The following ZNF316 variants were observed in gnomAD, a reference collection of about 807,000 sequenced individuals.
ZNF316 encodes the protein zinc finger protein 316.
A neutral mutation model predicts 75.6 loss-of-function variants in ZNF316; 23 were observed. The ratio of observed to expected loss-of-function variants is 0.30; its 90% CI spans 0.22 to 0.43. The LOEUF is 0.43. Ranked by LOEUF, ZNF316 falls within the 20% of genes least tolerant of loss-of-function variation. The pLI is 1.00. For synonymous variants in ZNF316, 827 were observed against 666.2 expected, an observed-to-expected ratio of 1.24 and a Z score of -3.72; for missense variants, 1,266 against 1,409.4, an observed-to-expected ratio of 0.90 and a Z score of 1.63.
At position 6,656,368 on chromosome 7, in the gene ZNF316, CCCAGCAGCTGT is replaced by C; in HGVS notation, c.*1760_*1770del. The C allele has an allele frequency of 6.6e-6, 1 of 152,164 alleles. No homozygotes were observed. The highest frequency in any genetic ancestry group is 1.5e-5 in the Non-Finnish European group (1 of 68,040). The allele number at this position is 152,164 out of a possible 1,614,324, so 9.4% of individuals were successfully genotyped here. ...TCTGCTGTCTCCGTCCCTCCTGGGC[CCCAGCAGCTGT>C]CCTGCAGCTGTCAGCAGGAGGGCCT... On this transcript the variant is annotated 3_prime_UTR_variant, in exon 9 of 9. Transcript: ENST00000382252.
rs540412040 is a variant in ZNF316, at chr7:6,642,946, A to C, written c.356-18A>C. On this transcript the variant is annotated intron_variant, in intron 5 of 8. Coordinates refer to ENST00000382252, the MANE Select transcript of ZNF316 (RefSeq NM_001278559.2). The surrounding 1 kb of genome is among the most constrained non-coding windows in gnomAD (Gnocchi z 8.1). ...TGGGGGCTCAGGGCAGCTGGCCCTA[A>C]GAGATCTCTCCCCACAGGCCTGCAG... 4 of 1,232,412 alleles carry C rather than the reference A, an allele frequency of 3.2e-6. No individual in the cohort carries two copies. In the Admixed American group the frequency reaches 1.7e-4, roughly 52 times the overall value. 76.3% of individuals were successfully genotyped at this position (1,232,412 alleles called of 1,614,324 possible). A position where few individuals can be genotyped will look rare whatever the true frequency, so the allele number is the denominator to read the frequency against.
rs1394929232 is a variant in ZNF316, at chr7:6,655,384, C to G, written c.*773C>G. Reference sequence around the variant, plus strand: ...TCTACCCACACTTGCACCGAGGTCACCCCGGCACCCTCCGCACCGGTTCGG... The same window carrying G: ...TCTACCCACACTTGCACCGAGGTCAGCCCGGCACCCTCCGCACCGGTTCGG... On this transcript the variant is annotated 3_prime_UTR_variant, in exon 9 of 9. Coordinates refer to ENST00000382252, the MANE Select transcript of ZNF316 (RefSeq NM_001278559.2). The G allele has an allele frequency of 6.6e-6, 1 of 152,214 alleles. No homozygotes were observed. Among genetic ancestry groups the G allele is most frequent in the Non-Finnish European group, 1.5e-5 (1 of 68,170 alleles). 9.4% of individuals were successfully genotyped at this position (152,214 alleles called of 1,614,324 possible).
chr7:6,653,232 G>T lies in ZNF316; in HGVS notation c.1636G>T (p.Asp546Tyr). 8.2e-7 allele frequency: 1 copy of T among 1,225,522 alleles called. No homozygotes were observed. Among genetic ancestry groups the T allele is most frequent in the Non-Finnish European group, 1.0e-6 (1 of 984,304 alleles). 75.9% of individuals were successfully genotyped at this position (1,225,522 alleles called of 1,614,324 possible). The change falls in exon 9 of 9, where the codon GAC (aspartate) becomes TAC (tyrosine). Residue 546 changes from aspartate (D) to tyrosine (Y), a missense_variant. Transcript: ENST00000382252. ...GPEGSEVGEA[D>Y]GEAEAAAEER... ...AGAGGGATCTGAAGTTGGCGAGGCGGACGGAGAGGCGGAGGCCGCGGCCGA... is the reference window on the plus strand; with the variant it reads ...AGAGGGATCTGAAGTTGGCGAGGCGTACGGAGAGGCGGAGGCCGCGGCCGA...
In ZNF316 at chr7:6,639,507, A is replaced by G. The variant is rs1186748107; in HGVS notation, c.-167+366A>G. On this transcript the variant is annotated intron_variant, in intron 3 of 8. Coordinates refer to ENST00000382252, the MANE Select transcript of ZNF316 (RefSeq NM_001278559.2). The surrounding 1 kb of genome is among the most constrained non-coding windows in gnomAD (Gnocchi z 4.2). ...GCTGCCTCAGAAGACCACCCAGGAA[A>G]AGGGGAAGAGAGTTCTGGGGATGGG... Among the ~76,000 whole-genome samples, 1 of 152,212 alleles carries G rather than the reference A, an allele frequency of 6.6e-6. No individual in the cohort carries two copies. The highest frequency in any genetic ancestry group is 6.5e-5 in the Admixed American group (1 of 15,288).
In ZNF316 at chr7:6,642,142, G is replaced by A; in HGVS notation, c.-29+180G>A. 1 of 356,534 alleles carries A rather than the reference G, an allele frequency of 2.8e-6. No individual in the cohort carries two copies. The highest frequency in any genetic ancestry group is 5.0e-6 in the Non-Finnish European group (1 of 198,864). 22.1% of individuals were successfully genotyped at this position (356,534 alleles called of 1,614,324 possible). On this transcript the variant is annotated intron_variant, in intron 4 of 8. Transcript: ENST00000382252. This position sits in a 1 kb window ranked among gnomAD's most constrained non-coding sequence, Gnocchi z 8.1. Reference sequence around the variant, plus strand: ...TTCTTGGTGAAAAGGAGCTGAGACTGGCATCCCAGGGGTCACGCGGAGGGG... The same window carrying A: ...TTCTTGGTGAAAAGGAGCTGAGACTAGCATCCCAGGGGTCACGCGGAGGGG...
chr7:6,643,026 G>C lies in ZNF316; in HGVS notation c.418G>C (p.Glu140Gln). ...RDEDLEEEEE[E>Q]EEDEDEDDLL... is the part of the protein sequence containing the mutation. ...TGAGGACCTGGAGGAGGAGGAAGAG[G>C]AGGAGGAGGATGAGGACGAGGATGA... Residue 140 changes from glutamate to glutamine, a missense_variant, in exon 6 of 9, where the codon GAG becomes CAG. Glu to Gln is a conservative substitution (Grantham distance 29, BLOSUM62 2). Coordinates refer to ENST00000382252, the MANE Select transcript of ZNF316 (RefSeq NM_001278559.2). The C allele has an allele frequency of 8.1e-7, 1 of 1,240,734 alleles. No homozygotes were observed. The allele number at this position is 1,240,734 out of a possible 1,614,324, so 76.9% of individuals were successfully genotyped here.
intron 8 of ZNF316, among the ~76,000 whole-genome samples, chr7:6,651,190 AATC>A (rs556164753): frequency 2.7e-5 from 4 of 150,462 alleles, no homozygotes; most frequent in East Asian, 2.0e-4. Flanking sequence ...TCTCTACTAA[AATC>A]ATCATCATCA....
chr7:6,638,809 C>T (rs1215697415), intron 2 of ZNF316, among the ~76,000 whole-genome samples: 2 of 152,182 alleles, frequency 1.3e-5, no homozygotes, highest in Admixed American at 1.3e-4. Flanking sequence ...ATGAGACCCC[C>T]TGTGGCCTCT....
rs1359688641 is a variant in ZNF316 at position 6,642,728 on chromosome 7, G to C, written c.319G>C (p.Gly107Arg). 3 of 1,233,730 alleles carry C rather than the reference G, an allele frequency of 2.4e-6. No homozygotes were observed. Among genetic ancestry groups the C allele is most frequent in the Non-Finnish European group, 3.0e-6 (3 of 989,142 alleles). The allele number at this position is 1,233,730 out of a possible 1,614,324, so 76.4% of individuals were successfully genotyped here. A position where few individuals can be genotyped will look rare whatever the true frequency, so the allele number is the denominator to read the frequency against. The change falls in exon 5 of 9, where the codon GGT (glycine) becomes CGT (arginine). Residue 107 changes from glycine to arginine, a missense_variant. Gly to Arg is a moderately radical substitution (Grantham distance 125). Around this residue, in one of 3 missense-constraint regions of ZNF316, gnomAD observed 961 missense variants for 990.9 expected, o/e 0.97. Coordinates refer to ENST00000382252, the MANE Select transcript of ZNF316 (RefSeq NM_001278559.2). The surrounding 1 kb of genome is among the most constrained non-coding windows in gnomAD (Gnocchi z 8.1). ...GGGGACCCAGGAGCGACTTAGCCGT[G>C]GTGGTGATGCCAAGTCCCCAGTTCT... ...ALGTQERLSR[G>R]GDAKSPVLQE...
At chr7:6,646,749 G>A (rs929402847) in intron 8 of ZNF316, among the ~76,000 whole-genome samples, 32 of 151,884 alleles carry the variant, frequency 2.1e-4, no homozygotes, top group African/African-American at 7.3e-4. Flanking sequence ...ATTTCTGGTC[G>A]GCTGAGCTGG....
rs528467943 is a variant in ZNF316, at chr7:6,646,045, T to G, written c.706+1452T>G. On this transcript the variant is annotated intron_variant, in intron 8 of 8. Transcript: ENST00000382252. ...TCTCGTGAGAACTCCCTCACTATCATGAGAACAGCATGGGGGGAAACGGCC... is the reference window on the plus strand; with the variant it reads ...TCTCGTGAGAACTCCCTCACTATCAGGAGAACAGCATGGGGGGAAACGGCC... Among the ~76,000 whole-genome samples the G allele has an allele frequency of 9.0e-4, 134 of 148,826 alleles. 4 individuals carry two copies. The Middle Eastern group carries it at 0.01, about 11-fold the overall frequency.
chr7:6,642,278 G>A lies in ZNF316; in HGVS notation c.-28-104G>A, dbSNP rs1225590569. 3.7e-5 allele frequency: 18 copies of A among 482,410 alleles called. No individual in the cohort carries two copies. The highest frequency in any genetic ancestry group is 5.3e-5 in the Non-Finnish European group (16 of 303,276). 29.9% of individuals were successfully genotyped at this position (482,410 alleles called of 1,614,324 possible). ...TGCCTTCAACTACATAACAGGAGGA[G>A]TAAATCCTGCTCCCTGCGCCCCCGC... On this transcript the variant is annotated intron_variant, in intron 4 of 8. Coordinates refer to ENST00000382252, the MANE Select transcript of ZNF316 (RefSeq NM_001278559.2). This position sits in a 1 kb window ranked among gnomAD's most constrained non-coding sequence, Gnocchi z 8.1.
At chr7:6,649,515 A>G (rs968654184) in intron 8 of ZNF316, among the ~76,000 whole-genome samples, 3 of 152,194 alleles carry the variant, frequency 2.0e-5, no homozygotes, top group Non-Finnish European at 4.4e-5. Flanking sequence ...AGAGCCAGCA[A>G]ACGCCCTCGG....
Position 6,642,650 on chromosome 7 carries a change from G to A in ZNF316, c.241G>A (p.Val81Met), listed in dbSNP as rs920437363. 1.1e-5 allele frequency: 13 copies of A among 1,236,532 alleles called. No individual in the cohort carries two copies. In the East Asian group the frequency reaches 1.9e-4, roughly 18 times the overall value. 76.6% of individuals were successfully genotyped at this position (1,236,532 alleles called of 1,614,324 possible). Reference protein sequence around the residue: ...AVAEVEVEADVEEEDVKEVLA... With the variant: ...AVAEVEVEADMEEEDVKEVLA... ...GGCCGAGGTGGAGGTGGAGGCGGAC[G>A]TGGAGGAGGAGGATGTGAAGGAGGT... Residue 81 changes from valine (V) to methionine (M), a missense_variant, in exon 5 of 9, where the codon GTG becomes ATG. This residue lies in a region of ZNF316 where 961 missense variants were observed against 990.9 expected (regional missense o/e 0.97). Coordinates refer to ENST00000382252, the MANE Select transcript of ZNF316 (RefSeq NM_001278559.2). The surrounding 1 kb of genome is among the most constrained non-coding windows in gnomAD (Gnocchi z 8.1).
In ZNF316 at chr7:6,644,578, A is replaced by G; in HGVS notation, c.691A>G (p.Thr231Ala). The G allele has an allele frequency of 8.1e-7, 1 of 1,232,118 alleles. No individual in the cohort carries two copies. Among genetic ancestry groups the G allele is most frequent in the Non-Finnish European group, 1.0e-6 (1 of 987,782 alleles). 76.3% of individuals were successfully genotyped at this position (1,232,118 alleles called of 1,614,324 possible). A position where few individuals can be genotyped will look rare whatever the true frequency, so the allele number is the denominator to read the frequency against. ...SPRPEEGDIV[T>A]GVYTGAWFWT... Reference sequence around the variant, plus strand: ...CCGACCTGAGGAAGGAGACATCGTCACTGGCGTCTACACAGGTGAGCGTGG... The same window carrying G: ...CCGACCTGAGGAAGGAGACATCGTCGCTGGCGTCTACACAGGTGAGCGTGG... The change falls in exon 8 of 9, where the codon ACT becomes GCT. Residue 231 changes from threonine (T) to alanine (A), a missense_variant. Transcript: ENST00000382252.
In ZNF316 at chr7:6,642,603, A is replaced by C. The variant is rs1386711990; in HGVS notation, c.194A>C (p.Gln65Pro). 8.9e-5 allele frequency: 108 copies of C among 1,219,088 alleles called. No individual in the cohort carries two copies. The highest frequency in any genetic ancestry group is 1.1e-4 in the Non-Finnish European group (105 of 975,180). The allele number at this position is 1,219,088 out of a possible 1,614,324, so 75.5% of individuals were successfully genotyped here. A position where few individuals can be genotyped will look rare whatever the true frequency, so the allele number is the denominator to read the frequency against. ...GAGGAGGGTGTGGCAGAGGTAGTGC[A>C]GGATGCGCAGGTGGAGGCGGTGGCC... ...EEEEGVAEVV[Q>P]DAQVEAVAEV... Residue 65 changes from glutamine to proline, a missense_variant, in exon 5 of 9, where the codon CAG (glutamine) becomes CCG (proline). Gln to Pro is a moderately conservative substitution (Grantham distance 76). Coordinates refer to ENST00000382252, the MANE Select transcript of ZNF316 (RefSeq NM_001278559.2). The surrounding 1 kb of genome is among the most constrained non-coding windows in gnomAD (Gnocchi z 8.1).
intron 8 of ZNF316, among the ~76,000 whole-genome samples, chr7:6,648,266 C>T (rs554240056): frequency 6.2e-4 from 95 of 152,254 alleles, no homozygotes; most frequent in Admixed American, 7.8e-4. Flanking sequence ...AGCCTGCCCC[C>T]GGGGCACAGG....
At position 6,653,767 on chromosome 7, in the gene ZNF316, G is replaced by T; in HGVS notation, c.2171G>T (p.Cys724Phe). Residue 724 changes from cysteine (C) to phenylalanine (F), a missense_variant, in exon 9 of 9, where the codon TGC (cysteine) becomes TTC (phenylalanine). By Grantham distance (205) the Cys-to-Phe change is radical. Transcript: ENST00000382252. The part of the protein sequence containing the change: ...AGERPHRCAD[C>F]GKSFVYGSHL... The stretch of plus-strand genomic sequence containing the variant: ...GAGCGGCCGCATCGCTGCGCCGACT[G>T]CGGCAAGAGCTTCGTGTACGGCTCG... 9.2e-7 allele frequency: 1 copy of T among 1,091,436 alleles called. No homozygotes were observed. The highest frequency in any genetic ancestry group is 1.1e-6 in the Non-Finnish European group (1 of 896,594). The allele number at this position is 1,091,436 out of a possible 1,614,324, so 67.6% of individuals were successfully genotyped here.
chr7:6,652,793 G>A lies in ZNF316; in HGVS notation c.1197G>A (p.Lys399=). 1 of 1,270,676 alleles carries A rather than the reference G, an allele frequency of 7.9e-7. No individual in the cohort carries two copies. Among genetic ancestry groups the A allele is most frequent in the South Asian group, 3.3e-5 (1 of 30,398 alleles). The allele number at this position is 1,270,676 out of a possible 1,614,324, so 78.7% of individuals were successfully genotyped here. A position where few individuals can be genotyped will look rare whatever the true frequency, so the allele number is the denominator to read the frequency against. ...ACCAGCGCACGCACACCGGCGAGAA[G>A]CCCTTCCCGTGCCCGGACTGCGGCA... ...AIHQRTHTGE[K]PFPCPDCGKR... is the part of the protein sequence containing the mutation. Residue 399 remains lysine (K), a synonymous_variant, in exon 9 of 9, where the codon AAG becomes AAA. Transcript: ENST00000382252.
Sources: allele counts gnomAD v4.1 joint callset (sites outside exome capture counted in the v4.1 genomes callset), GRCh38; gene constraint gnomAD v4.1.1; regional missense constraint gnomAD v4.1.1; non-coding constraint Gnocchi (gnomAD v3.1); transcripts MANE v1.5; gene names NCBI Gene and HGNC (gene_info 2026-07-23, HGNC 2026-07-21).